The following PIN4 variants were observed in gnomAD, a reference collection of about 807,000 sequenced individuals.
PIN4 encodes the protein peptidylprolyl cis/trans isomerase, NIMA-interacting 4.
In PIN4, 3 loss-of-function variants were observed where a neutral mutation model predicts 8.3. The observed-to-expected ratio is 0.36, with a 90% CI of 0.16 to 0.93. The LOEUF is 0.93. PIN4 is among the 40% of genes least tolerant of loss of function. The probability of loss-of-function intolerance (pLI) is 0.44; values close to 1 mark genes in which losing one functional copy is unlikely to be tolerated. For synonymous variants in PIN4, 18 were observed against 32.5 expected (o/e 0.55, Z 1.52); for missense variants, 75 against 100.6 (o/e 0.75, Z 1.09).
intron 3 of PIN4, among the ~76,000 whole-genome samples, chrX:72,219,843 G>T (rs2042912260): frequency 1.2e-5 from 1 of 85,695 alleles, no homozygotes; most frequent in Non-Finnish European, 2.2e-5. Flanking sequence ...GTGAGACTCC[G>T]TCTCAAAAAA....
intron 3 of PIN4, chrX:72,208,224 C>T (rs771327951): frequency 1.7e-5 from 20 of 1,209,740 alleles, no homozygotes; most frequent in Non-Finnish European, 2.2e-5. Flanking sequence ...TCCGTTCATC[C>T]TTGCTAGGAC....
intron 3 of PIN4, among the ~76,000 whole-genome samples, chrX:72,248,291 G>GAAAAAA (rs55908553): frequency 3.6e-5 from 2 of 54,899 alleles, no homozygotes; most frequent in Non-Finnish European, 8.3e-5. Flanking sequence ...GCTCCATCCA[G>GAAAAAA]AAAAAAAAAA....
At chrX:72,233,662 C>T (rs1392139750) in intron 3 of PIN4, among the ~76,000 whole-genome samples, 1 of 104,154 alleles carries the variant, frequency 9.6e-6, no homozygotes, top group African/African-American at 3.6e-5. Context: ...GCGAAGTTTA[C>T]AGTGAGCCGA....
rs35952560 is a variant in PIN4, at chrX:72,245,069, C to CAAAA, written c.313-17610_313-17607dup. Reference sequence around the variant, plus strand: ...CCCGAGTGACAGAGTGAGATCCTGTCAAAAAAAAAAAAAAAAAAAAAAAAA... The same window carrying CAAAA: ...CCCGAGTGACAGAGTGAGATCCTGTCAAAAAAAAAAAAAAAAAAAAAAAAAAAAA... On this transcript the variant is annotated intron_variant, in intron 3 of 3. Coordinates refer to the PIN4 transcript ENST00000423432. Among the ~76,000 whole-genome samples, 31 of 19,758 alleles carry CAAAA rather than the reference C, an allele frequency of 1.6e-3. 1 individual carries two copies. The highest frequency in any genetic ancestry group is 2.1e-3 in the Non-Finnish European group (25 of 12,020). 17.2% of individuals were successfully genotyped at this position (19,758 alleles called of 115,157 possible). A position where few individuals can be genotyped will look rare whatever the true frequency, so the allele number is the denominator to read the frequency against.
downstream of PIN4, chrX:72,199,085 G>A (rs1199341194): frequency 9.6e-6 from 1 of 103,754 alleles, no homozygotes; most frequent in Non-Finnish European, 1.9e-5. Context: ...ACATGTTATT[G>A]ATTGATTTTT....
At chrX:72,194,844 G>A (rs745432544) in intron 2 of PIN4, among the ~76,000 whole-genome samples, 31 of 110,752 alleles carry the variant, frequency 2.8e-4, no homozygotes, top group Admixed American at 1.3e-3. Flanking sequence ...CTATATAAGT[G>A]TACCATTTTT....
intron 3 of PIN4, among the ~76,000 whole-genome samples, chrX:72,255,386 G>C (rs1332883133): frequency 1.8e-5 from 2 of 109,450 alleles, no homozygotes; most frequent in Non-Finnish European, 3.8e-5. Context: ...GTTTATGCCT[G>C]TCAACAGCTT....
chrX:72,261,308 A>AC lies in PIN4; in HGVS notation c.313-1399_313-1398insC, dbSNP rs1211522235. ...AGACTCCGTCTCAGAAAAAAAAAAAAAAAAAAACCAAAATCTGGGTGTCGA... is the reference window on the plus strand; with the variant it reads ...AGACTCCGTCTCAGAAAAAAAAAAAACAAAAAAACCAAAATCTGGGTGTCGA... On this transcript the variant is annotated intron_variant, in intron 3 of 3. Coordinates refer to the PIN4 transcript ENST00000423432. Among the ~76,000 whole-genome samples the AC allele has an allele frequency of 4.6e-5, 5 of 108,841 alleles. No individual in the cohort carries two copies. The East Asian group carries it at 1.4e-3, about 31-fold the overall frequency. 94.5% of individuals were successfully genotyped at this position (108,841 alleles called of 115,157 possible).
At chrX:72,254,475 A>G (rs1490141237) in intron 3 of PIN4, among the ~76,000 whole-genome samples, 1 of 112,425 alleles carries the variant, frequency 8.9e-6, no homozygotes, top group Non-Finnish European at 1.9e-5. Context: ...TCCTGTAGAT[A>G]TCAGCTCCAT....
At chrX:72,249,166 C>T (rs2043078084) in intron 3 of PIN4, among the ~76,000 whole-genome samples, 1 of 112,293 alleles carries the variant, frequency 8.9e-6, no homozygotes, top group African/African-American at 3.2e-5. Flanking sequence ...ACAGACACCT[C>T]ATGAGACAGG....
At position 72,192,112 on chromosome X, in the gene PIN4, C is replaced by A. The variant is rs138754022; in HGVS notation, c.118-4673C>A. On this transcript the variant is annotated intron_variant, in intron 2 of 3. Transcript: ENST00000373669. Reference sequence around the variant, plus strand: ...GATTACAGGCATCCACCACCACTCCCGGCTAATTGTTTGTAGTTTTAGTAG... The same window carrying A: ...GATTACAGGCATCCACCACCACTCCAGGCTAATTGTTTGTAGTTTTAGTAG... Among the ~76,000 whole-genome samples the A allele has an allele frequency of 4.1e-3, 456 of 110,581 alleles. 9 individuals are homozygous for A. The highest frequency in any genetic ancestry group is 0.015 in the African/African-American group (441 of 30,306).
intron 2 of PIN4, among the ~76,000 whole-genome samples, chrX:72,190,687 T>C (rs1328449059): frequency 9.0e-6 from 1 of 111,149 alleles, no homozygotes; most frequent in African/African-American, 3.3e-5. Context: ...CGCCGGTGGC[T>C]CATGCCTGTA....
In PIN4 at chrX:72,198,286, A is replaced by T. The variant is rs754254826; in HGVS notation, c.*760A>T. 8 of 705,994 alleles carry T rather than the reference A, an allele frequency of 1.1e-5. No homozygotes were observed. The South Asian group carries it at 5.1e-4, about 45-fold the overall frequency. The allele number at this position is 705,994 out of a possible 1,213,427, so 58.2% of individuals were successfully genotyped here. A position where few individuals can be genotyped will look rare whatever the true frequency, so the allele number is the denominator to read the frequency against. On this transcript the variant is annotated 3_prime_UTR_variant, in exon 4 of 4. Coordinates refer to ENST00000373669, the MANE Select transcript of PIN4 (RefSeq NM_006223.4). ...ATATTTATGACATATAAAAAAGTAT[A>T]AAGATTACTAATATAAATACTATAC...
At chrX:72,225,570 C>A (rs2042949229) in intron 3 of PIN4, among the ~76,000 whole-genome samples, 1 of 112,112 alleles carries the variant, frequency 8.9e-6, no homozygotes, top group Non-Finnish European at 1.9e-5. Flanking sequence ...TCAACAAATC[C>A]CTTTTCCTAA....
At position 72,232,276 on chromosome X, in the gene PIN4, A is replaced by T. The variant is rs1416682483; in HGVS notation, c.313-30431A>T. Among the ~76,000 whole-genome samples the T allele has an allele frequency of 1.2e-4, 5 of 43,472 alleles. No individual in the cohort carries two copies. In the East Asian group the frequency reaches 0.19, roughly 1,610 times the overall value. The allele number at this position is 43,472 out of a possible 115,157, so 37.8% of individuals were successfully genotyped here. A position where few individuals can be genotyped will look rare whatever the true frequency, so the allele number is the denominator to read the frequency against. ...AGATCACCCAAGGAAGGAGTATTAA[A>T]AAAAAAAAAAAAAAAAAAAAAAGAC... On this transcript the variant is annotated intron_variant, in intron 3 of 3. Transcript: ENST00000423432.
chrX:72,242,890 G>A (rs3012643), intron 3 of PIN4, among the ~76,000 whole-genome samples: 2,050 of 111,374 alleles, frequency 0.018, 59 homozygotes, highest in African/African-American at 0.064. Context: ...GCACGTACCT[G>A]TAATCCCAGC....
intron 3 of PIN4, among the ~76,000 whole-genome samples, chrX:72,243,717 C>T (rs1183396840): frequency 8.9e-6 from 1 of 112,252 alleles, no homozygotes. Context: ...GTTCAGAATG[C>T]ATAAATGGAG....
At position 72,251,385 on chromosome X, in the gene PIN4, G is replaced by A. The variant is rs189793248; in HGVS notation, c.313-11322G>A. 4.8e-3 allele frequency among the ~76,000 whole-genome samples: 376 copies of A among 78,639 alleles called. 1 individual carries two copies. Among genetic ancestry groups the A allele is most frequent in the African/African-American group, 0.022 (350 of 15,864 alleles). The allele number at this position is 78,639 out of a possible 115,157, so 68.3% of individuals were successfully genotyped here. On this transcript the variant is annotated intron_variant, in intron 3 of 3. Transcript: ENST00000423432. ...CTCAAAAAAAAAAAAATATGTGTGA[G>A]TGTATCTGTAGAATAATTTCCTAAA... is the stretch of plus-strand genomic sequence containing the variant.
downstream of PIN4, among the ~76,000 whole-genome samples, chrX:72,199,904 G>A (rs1378528730): frequency 2.7e-5 from 3 of 112,177 alleles, no homozygotes; most frequent in Non-Finnish European, 5.6e-5. Flanking sequence ...CGCGGCTGAC[G>A]CCTGTAATCC....
Sources: gnomAD v4.1 joint callset for allele counts (sites outside exome capture counted in the v4.1 genomes callset) on GRCh38, gnomAD v4.1.1 for gene constraint, MANE v1.5 for transcripts, NCBI Gene and HGNC (gene_info 2026-07-23, HGNC 2026-07-21) for gene names.